Variants in EIF3H observed in about 807,000 individuals in gnomAD.
EIF3H encodes eukaryotic translation initiation factor 3 subunit H, also known as eIF-3-gamma.
EIF3H carries 26 observed loss-of-function variants against 44.2 expected under a neutral mutation model. The observed-to-expected ratio is 0.59, with a 90% CI of 0.43 to 0.82. EIF3H has a LOEUF of 0.82. EIF3H is among the 40% of genes least tolerant of loss of function. EIF3H has a pLI of 0.00. For synonymous variants in EIF3H, 166 were observed against 151.9 expected (o/e 1.09, Z -0.68); for missense variants, 359 against 432.8 (o/e 0.83, Z 1.51).
intron 2 of EIF3H, among the ~76,000 whole-genome samples, chr8:116,676,868 C>T (rs905193066): frequency 1.3e-5 from 2 of 152,062 alleles, no homozygotes; most frequent in African/African-American, 4.8e-5. Context: ...GTTTTGTCTA[C>T]ATTTTCCAAA....
intron 1 of EIF3H, among the ~76,000 whole-genome samples, chr8:116,748,511 T>A (rs1052468561): frequency 6.6e-6 from 1 of 152,210 alleles, no homozygotes; most frequent in Non-Finnish European, 1.5e-5. Flanking sequence ...ACTCAAGCAT[T>A]TACTAACCCA....
chr8:116,713,324 T>TG (rs1261115328), intron 2 of EIF3H, among the ~76,000 whole-genome samples: 3 of 152,254 alleles, frequency 2.0e-5, no homozygotes, highest in Admixed American at 1.3e-4. Flanking sequence ...ACTTATGCTT[T>TG]GGGGACTAAG....
At chr8:116,665,842 A>G (rs1397349790) in intron 2 of EIF3H, among the ~76,000 whole-genome samples, 1 of 152,234 alleles carries the variant, frequency 6.6e-6, no homozygotes, top group East Asian at 1.9e-4. Context: ...GCAATGTTCA[A>G]AGCTACTAGC....
At chr8:116,727,569 T>C (rs1300301152) in intron 1 of EIF3H, among the ~76,000 whole-genome samples, 3 of 152,210 alleles carry the variant, frequency 2.0e-5, no homozygotes, top group Admixed American at 1.3e-4. Context: ...AAACACAGGT[T>C]TGTGTGAGAT....
intron 2 of EIF3H, among the ~76,000 whole-genome samples, chr8:116,699,861 A>G (rs1373306468): frequency 6.6e-6 from 1 of 152,100 alleles, no homozygotes; most frequent in Non-Finnish European, 1.5e-5. Flanking sequence ...CCCAGGCTGA[A>G]GTGCAATAGT....
chr8:116,656,657 T>C (rs924027385), intron 4 of EIF3H, among the ~76,000 whole-genome samples: 1 of 152,242 alleles, frequency 6.6e-6, no homozygotes, highest in Non-Finnish European at 1.5e-5. Context: ...TAAAAATTTC[T>C]ATAATTAACA....
rs761245166 is a variant in EIF3H at position 116,755,693 on chromosome 8, G to C, written c.105C>G (p.Ala35=). ...GKGKGGSGDS[A]VKQVQIDGLV... The stretch of plus-strand genomic sequence containing the variant: ...GGCCATCTATCTGCACTTGCTTCAC[G>C]GCTGAATCTCCCGAGCCGCCTTTGC... Residue 35 remains alanine (A), a synonymous_variant, in exon 1 of 8, where the codon GCC becomes GCG. Coordinates refer to ENST00000521861, the MANE Select transcript of EIF3H (RefSeq NM_003756.3). 3.7e-6 allele frequency: 6 copies of C among 1,614,150 alleles called. No homozygotes were observed. The highest frequency in any genetic ancestry group is 5.1e-6 in the Non-Finnish European group (6 of 1,180,028).
At chr8:116,745,440 G>A (rs182584983) in intron 1 of EIF3H, among the ~76,000 whole-genome samples, 18 of 152,278 alleles carry the variant, frequency 1.2e-4, no homozygotes, top group Non-Finnish European at 1.2e-4. Context: ...TGCATATGCT[G>A]CCTTAAATAA....
At chr8:116,706,198 T>TTA (rs1428880257) in intron 2 of EIF3H, among the ~76,000 whole-genome samples, 2 of 152,236 alleles carry the variant, frequency 1.3e-5, no homozygotes, top group Non-Finnish European at 2.9e-5. Context: ...AACCTTTTAG[T>TTA]AGTCTCTTAC....
intron 2 of EIF3H, among the ~76,000 whole-genome samples, chr8:116,659,492 T>C (rs1813548560): frequency 6.6e-6 from 1 of 152,194 alleles, no homozygotes. Flanking sequence ...GGATACAGGC[T>C]GTAGCTGATT....
intron 2 of EIF3H, among the ~76,000 whole-genome samples, chr8:116,721,046 C>T (rs1814735402): frequency 1.3e-5 from 2 of 152,098 alleles, no homozygotes; most frequent in South Asian, 2.1e-4. Flanking sequence ...ATCTCCAAGA[C>T]AATGGGAAAA....
At chr8:116,764,050 T>C (rs1260551864) in intron 1 of EIF3H, among the ~76,000 whole-genome samples, 1 of 152,162 alleles carries the variant, frequency 6.6e-6, no homozygotes, top group African/African-American at 2.4e-5. Context: ...TATAAAACTA[T>C]ATTTGATCCA....
chr8:116,654,278 C>T (rs757716345), intron 5 of EIF3H, among the ~76,000 whole-genome samples: 1 of 152,162 alleles, frequency 6.6e-6, no homozygotes. Context: ...GTCTAGGTCT[C>T]AGTTGCTAGG....
intron 2 of EIF3H, among the ~76,000 whole-genome samples, chr8:116,685,302 C>A (rs1023684057): frequency 6.6e-6 from 1 of 152,182 alleles, no homozygotes; most frequent in Non-Finnish European, 1.5e-5. Context: ...AATGTGAGAG[C>A]TGCAATCTCC....
intron 2 of EIF3H, among the ~76,000 whole-genome samples, chr8:116,721,787 C>T (rs1330010015): frequency 1.3e-5 from 2 of 152,238 alleles, no homozygotes; most frequent in Admixed American, 1.3e-4. Flanking sequence ...GGCCTTCAGC[C>T]CCTTCATTTT....
chr8:116,732,910 CTTACAA>C (rs1814976225), intron 1 of EIF3H, among the ~76,000 whole-genome samples: 3 of 152,138 alleles, frequency 2.0e-5, no homozygotes, highest in South Asian at 4.1e-4. Context: ...AGCTGGGTAT[CTTACAA>C]TTTAATTCAA....
At chr8:116,691,920 T>C (rs1328155332) in intron 2 of EIF3H, among the ~76,000 whole-genome samples, 2 of 151,358 alleles carry the variant, frequency 1.3e-5, no homozygotes, top group African/African-American at 4.9e-5. Flanking sequence ...CTATTTTGAA[T>C]GTTAAGGTTT....
intron 2 of EIF3H, among the ~76,000 whole-genome samples, chr8:116,687,252 G>A (rs916867360): frequency 2.6e-5 from 4 of 152,156 alleles, no homozygotes; most frequent in Admixed American, 2.0e-4. Flanking sequence ...GGGGCTCATG[G>A]AAAAGTGCAT....
intron 2 of EIF3H, among the ~76,000 whole-genome samples, chr8:116,717,843 T>C (rs1318801146): frequency 6.6e-6 from 1 of 151,958 alleles, no homozygotes; most frequent in Non-Finnish European, 1.5e-5. Context: ...CTTAGGCATA[T>C]TTCACGACAA....
Sources: allele counts gnomAD v4.1 joint callset (sites outside exome capture counted in the v4.1 genomes callset), GRCh38; gene constraint gnomAD v4.1.1; transcripts MANE v1.5; gene names NCBI Gene and HGNC (gene_info 2026-07-23, HGNC 2026-07-21).